SORBS2: variants seen among roughly 807,000 people sequenced by gnomAD.
SORBS2 encodes the protein sorbin and SH3 domain-containing protein 2.
In SORBS2, 46 loss-of-function variants were observed where a neutral mutation model predicts 97.7. That is an observed-to-expected ratio of 0.47 (90% confidence interval 0.37 to 0.60). The LOEUF (loss-of-function observed/expected upper bound fraction) is 0.60. SORBS2 is among the 20% of genes least tolerant of loss of function. The pLI is 0.00. For missense variants in SORBS2, 1,316 were observed against 1,282.3 expected, an observed-to-expected ratio of 1.03 and a Z score of -0.40; for synonymous variants, 476 against 473.4, an observed-to-expected ratio of 1.01 and a Z score of -0.07.
intron 1 of SORBS2, among the ~76,000 whole-genome samples, chr4:185,953,690 C>A (rs976829881): frequency 6.6e-6 from 1 of 152,216 alleles, no homozygotes; most frequent in Non-Finnish European, 1.5e-5. Flanking sequence ...TAGCCAGGCC[C>A]CTCTTCTCAG....
chr4:185,887,945 A>G (rs2099240485), intron 1 of SORBS2, among the ~76,000 whole-genome samples: 1 of 140,536 alleles, frequency 7.1e-6, no homozygotes, highest in African/African-American at 2.7e-5. Context: ...ATGGATTCTC[A>G]CATAGTATAT....
chr4:185,722,848 T>C (rs1007133126), intron 2 of SORBS2, among the ~76,000 whole-genome samples: 1 of 152,224 alleles, frequency 6.6e-6, no homozygotes, highest in Non-Finnish European at 1.5e-5. Context: ...TAAACAGTTT[T>C]CTAAGATTCA....
chr4:185,866,850 A>T (rs2099227152), intron 1 of SORBS2, among the ~76,000 whole-genome samples: 1 of 152,204 alleles, frequency 6.6e-6, no homozygotes, highest in South Asian at 2.1e-4. Context: ...TGCTTGTTTC[A>T]GTGTGCATTC....
chr4:185,755,052 T>G (rs577531237), intron 2 of SORBS2, among the ~76,000 whole-genome samples: 1 of 152,390 alleles, frequency 6.6e-6, no homozygotes, highest in East Asian at 1.9e-4. Flanking sequence ...TTTATATACC[T>G]GAGAGATGTA....
At chr4:185,842,591 C>T (rs2099212227) in intron 1 of SORBS2, among the ~76,000 whole-genome samples, 1 of 152,072 alleles carries the variant, frequency 6.6e-6, no homozygotes, top group Admixed American at 6.5e-5. Context: ...ACTAGAGAAA[C>T]CAGCCCATGG....
chr4:185,909,186 G>A (rs1008599757), intron 1 of SORBS2, among the ~76,000 whole-genome samples: 3 of 152,082 alleles, frequency 2.0e-5, no homozygotes, highest in Non-Finnish European at 4.4e-5. Context: ...AGAAAATGTG[G>A]TATATATACA....
At chr4:185,887,138 T>C (rs1450633195) in intron 1 of SORBS2, among the ~76,000 whole-genome samples, 1 of 151,946 alleles carries the variant, frequency 6.6e-6, no homozygotes, top group East Asian at 1.9e-4. Flanking sequence ...TAAAAGAGGG[T>C]CCACGAGCCC....
At position 185,662,819 on chromosome 4, in the gene SORBS2, G is replaced by A. The variant is rs980663519; in HGVS notation, c.-45-577C>T. Among the ~76,000 whole-genome samples, 16 of 152,216 alleles carry A rather than the reference G, an allele frequency of 1.1e-4. 1 individual carries two copies. Among genetic ancestry groups the A allele is most frequent in the Admixed American group, 1.0e-3 (16 of 15,274 alleles). The stretch of plus-strand genomic sequence containing the variant: ...ACCTGGTAAAGGATCAGAGAGACAT[G>A]TTCAACCACTGGCTTCTCCCTACTT... On this transcript the variant is annotated intron_variant, in intron 4 of 20. Coordinates refer to the SORBS2 transcript ENST00000284776.
chr4:185,822,608 C>A (rs187754747), intron 1 of SORBS2, among the ~76,000 whole-genome samples: 1 of 152,352 alleles, frequency 6.6e-6, no homozygotes, highest in East Asian at 1.9e-4. Context: ...AATAACTTGA[C>A]TTCTATGAAC....
intron 2 of SORBS2, among the ~76,000 whole-genome samples, chr4:185,750,567 C>T (rs2098792740): frequency 6.6e-6 from 1 of 152,200 alleles, no homozygotes; most frequent in Non-Finnish European, 1.5e-5. Context: ...GTGCAGTCCC[C>T]AACATCCGAT....
chr4:185,879,167 C>CG lies in SORBS2; in HGVS notation c.-338+77028_-338+77029insC, dbSNP rs1460207169. Among the ~76,000 whole-genome samples the CG allele has an allele frequency of 7.2e-4, 53 of 73,708 alleles. 4 individuals carry two copies. The highest frequency in any genetic ancestry group is 1.5e-3 in the Admixed American group (13 of 8,550). 48.4% of individuals were successfully genotyped at this position (73,708 alleles called of 152,430 possible). A position where few individuals can be genotyped will look rare whatever the true frequency, so the allele number is the denominator to read the frequency against. ...GGTATATCTCCTAATGCTATCCCTCCCCCCCCCCCACCCCACGACAGGCCC... is the reference window on the plus strand; with the variant it reads ...GGTATATCTCCTAATGCTATCCCTCCGCCCCCCCCCACCCCACGACAGGCCC... On this transcript the variant is annotated intron_variant, in intron 1 of 20. Coordinates refer to the SORBS2 transcript ENST00000284776.
chr4:185,777,349 C>T (rs1479642126), intron 1 of SORBS2, among the ~76,000 whole-genome samples: 1 of 152,086 alleles, frequency 6.6e-6, no homozygotes, highest in African/African-American at 2.4e-5. Context: ...CTCTTGGCCT[C>T]AATGTGGAAT....
At chr4:185,702,599 C>G (rs1465414495) in intron 2 of SORBS2, among the ~76,000 whole-genome samples, 1 of 152,040 alleles carries the variant, frequency 6.6e-6, no homozygotes, top group Non-Finnish European at 1.5e-5. Context: ...GTGGCAGAGT[C>G]AGAGTTCAAC....
At position 185,921,823 on chromosome 4, in the gene SORBS2, G is replaced by C. The variant is rs913783062; in HGVS notation, c.-338+34373C>G. 2.0e-5 allele frequency among the ~76,000 whole-genome samples: 3 copies of C among 152,300 alleles called. No homozygotes were observed. The South Asian group carries it at 6.2e-4, about 32-fold the overall frequency. On this transcript the variant is annotated intron_variant, in intron 1 of 20. Coordinates refer to the SORBS2 transcript ENST00000284776. ...CGATCCTTCCAGTCTTCTTCAAAAG[G>C]AGTAGTCTTGCATTCCCCAACATTT... is the stretch of plus-strand genomic sequence containing the variant.
rs1036305647 is a variant in SORBS2, at chr4:185,795,563, C to T, written c.-337-20197G>A. On this transcript the variant is annotated intron_variant, in intron 1 of 20. Transcript: ENST00000284776. ...TATCCTGCAAAATACACACAAGATG[C>T]GAAAAAAAAGAATGTCAAGGAAATC... 2.2e-4 allele frequency among the ~76,000 whole-genome samples: 33 copies of T among 151,158 alleles called. 1 individual carries two copies. The Middle Eastern group carries it at 0.014, about 62-fold the overall frequency.
intron 1 of SORBS2, chr4:185,812,933 G>T (rs1037247297): frequency 3.3e-5 from 5 of 151,994 alleles, no homozygotes; most frequent in Non-Finnish European, 5.9e-5. Flanking sequence ...AAAATTCTTT[G>T]ACTTTAAACA....
chr4:185,754,466 TTAAAA>T (rs1260376845), intron 2 of SORBS2, among the ~76,000 whole-genome samples: 1 of 152,146 alleles, frequency 6.6e-6, no homozygotes, highest in African/African-American at 2.4e-5. Context: ...ACCCCTGAAC[TTAAAA>T]TAAAAGTTAA....
chr4:185,864,694 T>A (rs112315533), intron 1 of SORBS2, among the ~76,000 whole-genome samples: 12 of 152,222 alleles, frequency 7.9e-5, no homozygotes, highest in African/African-American at 2.9e-4. Flanking sequence ...TCAGATTGCT[T>A]GAGGTCAGGA....
intron 2 of SORBS2, among the ~76,000 whole-genome samples, chr4:185,756,558 T>C (rs62334848): frequency 0.32 from 48,346 of 151,974 alleles, 8,089 homozygotes; most frequent in African/African-American, 0.4. Context: ...TTACCTTAAC[T>C]ATATGGTCAG....
Sources: allele counts gnomAD v4.1 joint callset (sites outside exome capture counted in the v4.1 genomes callset), GRCh38; gene constraint gnomAD v4.1.1; transcripts MANE v1.5; gene names NCBI Gene and HGNC (gene_info 2026-07-23, HGNC 2026-07-21).